NUP133: variants seen among roughly 807,000 people sequenced by gnomAD.
NUP133 encodes nucleoporin 133.
A neutral mutation model predicts 146.2 loss-of-function variants in NUP133; 66 were observed. The observed-to-expected ratio is 0.45, with a 90% CI of 0.37 to 0.55. The LOEUF is 0.55. Among genes scored for constraint, NUP133 ranks in the 20% least tolerant of loss-of-function variants. The pLI, the probability that NUP133 is intolerant of heterozygous loss-of-function variation, is 0.00. For synonymous variants in NUP133, 521 were observed against 498.8 expected, an observed-to-expected ratio of 1.04 and a Z score of -0.59; for missense variants, 1,277 against 1,374.8, an observed-to-expected ratio of 0.93 and a Z score of 1.12.
intron 15 of NUP133, among the ~76,000 whole-genome samples, chr1:229,468,703 C>T (rs767118480): frequency 4.9e-4 from 74 of 152,134 alleles, no homozygotes; most frequent in Non-Finnish European, 9.7e-4. Flanking sequence ...GGCTCTTGCT[C>T]AGTTCTTACA....
rs1461838048 is a variant in NUP133 at position 229,505,184 on chromosome 1, G to A, written c.301+856C>T. 2.6e-5 allele frequency among the ~76,000 whole-genome samples: 4 copies of A among 152,158 alleles called. No homozygotes were observed. The East Asian group carries it at 7.7e-4, about 29-fold the overall frequency. On this transcript the variant is annotated intron_variant, in intron 2 of 25. Transcript: ENST00000261396. ...TCCAGCTGTTTGTCACTTAGTAGCT[G>A]TCTCAGTTACCAGATGAACTGTCGC... is the stretch of plus-strand genomic sequence containing the variant.
At chr1:229,483,401 A>G (rs1661264531) in intron 12 of NUP133, among the ~76,000 whole-genome samples, 1 of 152,100 alleles carries the variant, frequency 6.6e-6, no homozygotes, top group South Asian at 2.1e-4. Flanking sequence ...ACACCAGGCC[A>G]TAATTCTTTA....
chr1:229,456,023 T>C (rs1237985247), intron 21 of NUP133, among the ~76,000 whole-genome samples: 1 of 152,154 alleles, frequency 6.6e-6, no homozygotes, highest in Non-Finnish European at 1.5e-5. Context: ...GTCTTTCATG[T>C]TGGTAAAGTT....
At chr1:229,457,373 A>T (rs562037281) in intron 21 of NUP133, among the ~76,000 whole-genome samples, 1 of 152,306 alleles carries the variant, frequency 6.6e-6, no homozygotes, top group Admixed American at 6.5e-5. Flanking sequence ...TCTAAAAAAT[A>T]ATAGCATCAT....
rs1275751340 is a variant in NUP133, at chr1:229,470,698, A to G, written c.1958T>C (p.Leu653Pro). 2 of 1,614,220 alleles carry G rather than the reference A, an allele frequency of 1.2e-6. No individual in the cohort carries two copies. The highest frequency in any genetic ancestry group is 1.7e-6 in the Non-Finnish European group (2 of 1,180,036). Residue 653 changes from leucine to proline, a missense_variant, in exon 15 of 26, where the codon CTC (leucine) becomes CCC (proline). This residue lies in a region of NUP133 where 952 missense variants were observed against 1,047.0 expected (regional missense o/e 0.91). Coordinates refer to ENST00000261396, the MANE Select transcript of NUP133 (RefSeq NM_018230.3). The part of the protein sequence containing the change: ...HAEKLSAAIV[L>P]KNHHSRLSDL... Reference sequence around the variant, plus strand: ...AGAAAGCCGGGAGTGGTGGTTCTTGAGAACAATGGCGGCTGACAGCTTTTC... The same window carrying G: ...AGAAAGCCGGGAGTGGTGGTTCTTGGGAACAATGGCGGCTGACAGCTTTTC...
At chr1:229,504,649 A>T (rs1661888521) in intron 2 of NUP133, among the ~76,000 whole-genome samples, 1 of 152,218 alleles carries the variant, frequency 6.6e-6, no homozygotes, top group Admixed American at 6.5e-5. Context: ...TAAACCCAAT[A>T]ACATGAGGTG....
At chr1:229,483,539 T>G (rs1010370653) in intron 12 of NUP133, among the ~76,000 whole-genome samples, 1 of 151,942 alleles carries the variant, frequency 6.6e-6, no homozygotes, top group African/African-American at 2.4e-5. Flanking sequence ...ACTCCATCTC[T>G]ACTAAAAATA....
intron 19 of NUP133, among the ~76,000 whole-genome samples, chr1:229,461,413 T>A (rs758295378): frequency 6.6e-6 from 1 of 152,166 alleles, no homozygotes; most frequent in Non-Finnish European, 1.5e-5. Flanking sequence ...AAAGCAGGGA[T>A]CCTGCCATGA....
Position 229,462,935 on chromosome 1 carries a change from T to C in NUP133, c.2685+608A>G, listed in dbSNP as rs989176837. ...GTGTATTTGTAAAGCTAAGCTCTCTTAAAGTAGTCTTCTATGCTCCCGAGT... is the reference window on the plus strand; with the variant it reads ...GTGTATTTGTAAAGCTAAGCTCTCTCAAAGTAGTCTTCTATGCTCCCGAGT... On this transcript the variant is annotated intron_variant, in intron 19 of 25. Transcript: ENST00000261396. 4.6e-5 allele frequency among the ~76,000 whole-genome samples: 7 copies of C among 152,326 alleles called. No homozygotes were observed. In the East Asian group the frequency reaches 5.8e-4, roughly 13 times the overall value.
At chr1:229,443,721 T>A (rs1445189858) in intron 25 of NUP133, among the ~76,000 whole-genome samples, 1 of 145,868 alleles carries the variant, frequency 6.9e-6, no homozygotes, top group East Asian at 2.0e-4. Context: ...CACACATATA[T>A]AATTTTTTTT....
At chr1:229,488,085 A>T (rs954468503) in intron 9 of NUP133, among the ~76,000 whole-genome samples, 2 of 152,030 alleles carry the variant, frequency 1.3e-5, no homozygotes, top group African/African-American at 4.8e-5. Context: ...ACCTCAGGTG[A>T]TCCACCCACC....
intron 9 of NUP133, 66 bp from the exon 10 acceptor site, chr1:229,487,679 A>G: frequency 7.9e-7 from 1 of 1,270,286 alleles, no homozygotes; most frequent in East Asian, 2.5e-5. Context: ...TGATTTTTTA[A>G]ATTCATTTTT....
intron 24 of NUP133, among the ~76,000 whole-genome samples, chr1:229,446,941 A>G (rs1187599209): frequency 6.6e-6 from 1 of 152,028 alleles, no homozygotes; most frequent in Non-Finnish European, 1.5e-5. Flanking sequence ...CCTGACCAAC[A>G]TGAAGAAACC....
chr1:229,482,687 A>C (rs1284829408), intron 12 of NUP133, among the ~76,000 whole-genome samples: 5 of 151,968 alleles, frequency 3.3e-5, no homozygotes, highest in Non-Finnish European at 5.9e-5. Flanking sequence ...ATCACTCCCC[A>C]CCCCATACGC....
rs756998747 is a variant in NUP133, at chr1:229,440,362, C to G, written c.*1542G>C. On this transcript the variant is annotated 3_prime_UTR_variant, in exon 26 of 26. Transcript: ENST00000261396. ...AGAGAAACAGGATTAAAAGAGGGAG[C>G]TTTTTCTTCCCTTGAACAGGATGAC... is the stretch of plus-strand genomic sequence containing the variant. 3.7e-4 allele frequency: 56 copies of G among 152,236 alleles called. No homozygotes were observed. The highest frequency in any genetic ancestry group is 6.5e-4 in the Non-Finnish European group (44 of 68,008). The allele number at this position is 152,236 out of a possible 1,614,324, so 9.4% of individuals were successfully genotyped here.
intron 10 of NUP133, 64 bp downstream of exon 10, chr1:229,487,402 G>T: frequency 6.6e-7 from 1 of 1,512,210 alleles, no homozygotes. Context: ...CAGGGAAAGA[G>T]AAAAAAAGCA....
chr1:229,507,526 G>C (rs1661975704), intron 1 of NUP133, among the ~76,000 whole-genome samples: 1 of 109,206 alleles, frequency 9.2e-6, no homozygotes, highest in African/African-American at 2.6e-5. Context: ...GCTCACTTAT[G>C]TAAAGCCTTT....
At chr1:229,460,968 C>T (rs1660678494) in intron 19 of NUP133, among the ~76,000 whole-genome samples, 199 bp from the exon 20 acceptor site, 1 of 152,176 alleles carries the variant, frequency 6.6e-6, no homozygotes, top group African/African-American at 2.4e-5. Flanking sequence ...GCATCTTGCT[C>T]AAGATCACTG....
intron 8 of NUP133, among the ~76,000 whole-genome samples, chr1:229,493,114 A>G (rs1558106082): frequency 6.6e-6 from 1 of 152,170 alleles, no homozygotes; most frequent in Non-Finnish European, 1.5e-5. Flanking sequence ...TCCAAACTTT[A>G]TATCTAAAAT....
Sources: allele counts gnomAD v4.1 joint callset (sites outside exome capture counted in the v4.1 genomes callset), GRCh38; gene constraint gnomAD v4.1.1; regional missense constraint gnomAD v4.1.1; transcripts MANE v1.5; gene names NCBI Gene and HGNC (gene_info 2026-07-23, HGNC 2026-07-21).